The following AGBL1 variants were observed in gnomAD, a reference collection of about 807,000 sequenced individuals.
The protein encoded by AGBL1 is cytosolic carboxypeptidase 4.
In AGBL1, 130 loss-of-function variants were observed where a neutral mutation model predicts 118.9. The observed-to-expected ratio is 1.09, with a 90% confidence interval of 0.95 to 1.26. The LOEUF is 1.26. Among genes scored for constraint, AGBL1 ranks in the 50% most tolerant of loss-of-function variants. AGBL1 has a pLI of 0.00. For synonymous variants in AGBL1, 555 were observed against 478.9 expected, an observed-to-expected ratio of 1.16 and a Z score of -2.08; for missense variants, 1,584 against 1,298.1, an observed-to-expected ratio of 1.22 and a Z score of -3.38.
chr15:86,082,872 G>A (rs536327773), intron 1 of AGBL1, among the ~76,000 whole-genome samples: 5 of 152,214 alleles, frequency 3.3e-5, no homozygotes, highest in African/African-American at 9.6e-5. Context: ...CCACAGCACA[G>A]GTGCGAGAGG....
At chr15:86,161,580 A>G (rs2077267765) in intron 5 of AGBL1, among the ~76,000 whole-genome samples, 1 of 152,192 alleles carries the variant, frequency 6.6e-6, no homozygotes, top group Non-Finnish European at 1.5e-5. Context: ...TAAGACGATC[A>G]TATGCAGTTA....
intron 21 of AGBL1, among the ~76,000 whole-genome samples, chr15:86,626,135 G>C (rs140799080): frequency 6.6e-6 from 1 of 152,108 alleles, no homozygotes; most frequent in Non-Finnish European, 1.5e-5. Flanking sequence ...AATACCGTTC[G>C]ACCCAGCAAT....
At chr15:86,571,139 T>G (rs1467814862) in intron 21 of AGBL1, among the ~76,000 whole-genome samples, 1 of 151,954 alleles carries the variant, frequency 6.6e-6, no homozygotes, top group Non-Finnish European at 1.5e-5. Context: ...CACCCTGAAG[T>G]TTGGAGATGC....
Position 86,410,841 on chromosome 15 carries a change from T to TATATATATATATAA in AGBL1, c.2555+13296_2555+13297insTATATATATATAAA, listed in dbSNP as rs67883935. On this transcript the variant is annotated intron_variant, in intron 18 of 22. Transcript: ENST00000614907. Reference sequence around the variant, plus strand: ...ATATATATATATATATATATATATATAATATACTATTTTATATATAAAATA... The same window carrying TATATATATATATAA: ...ATATATATATATATATATATATATATATATATATATATAAAATATACTATTTTATATATAAAATA... 5.7e-4 allele frequency among the ~76,000 whole-genome samples: 37 copies of TATATATATATATAA among 64,532 alleles called. 2 individuals are homozygous for TATATATATATATAA. The highest frequency in any genetic ancestry group is 2.4e-3 in the African/African-American group (36 of 15,032). 42.3% of individuals were successfully genotyped at this position (64,532 alleles called of 152,430 possible).
chr15:86,559,452 A>G (rs538812205), intron 21 of AGBL1, among the ~76,000 whole-genome samples: 1 of 152,190 alleles, frequency 6.6e-6, no homozygotes, highest in African/African-American at 2.4e-5. Context: ...CATGATGAGG[A>G]AAATGAAAAG....
intron 21 of AGBL1, among the ~76,000 whole-genome samples, chr15:86,577,513 A>C (rs1372196313): frequency 1.3e-5 from 2 of 152,242 alleles, no homozygotes; most frequent in African/African-American, 4.8e-5. Flanking sequence ...CAGCTGAAGA[A>C]ATTTGCATAA....
intron 21 of AGBL1, among the ~76,000 whole-genome samples, chr15:86,587,752 G>A (rs1020557910): frequency 5.3e-5 from 8 of 152,170 alleles, no homozygotes; most frequent in African/African-American, 9.7e-5. Flanking sequence ...ACATGCAACC[G>A]CAGAAAGTGA....
At chr15:86,362,323 G>A (rs1387075479) in intron 17 of AGBL1, among the ~76,000 whole-genome samples, 2 of 152,056 alleles carry the variant, frequency 1.3e-5, no homozygotes, top group African/African-American at 4.8e-5. Context: ...GAGTTAAACT[G>A]GTTTATATTA....
At chr15:86,434,181 T>C (rs757074828) in intron 18 of AGBL1, among the ~76,000 whole-genome samples, 6 of 152,236 alleles carry the variant, frequency 3.9e-5, no homozygotes, top group Admixed American at 6.5e-5. Context: ...GTGCTAACCA[T>C]CTGGATTAAT....
At chr15:86,387,189 T>C (rs997619331) in intron 17 of AGBL1, among the ~76,000 whole-genome samples, 1 of 152,074 alleles carries the variant, frequency 6.6e-6, no homozygotes, top group East Asian at 1.9e-4. Flanking sequence ...GCCTGGGGCA[T>C]CAAGAAAAGC....
Position 86,910,933 on chromosome 15 carries a change from GTACT to G in AGBL1, c.*3645_*3648del, listed in dbSNP as rs1160901345. 2 of 152,106 alleles carry G rather than the reference GTACT, an allele frequency of 1.3e-5. No individual in the cohort carries two copies. Among genetic ancestry groups the G allele is most frequent in the South Asian group, 2.1e-4 (1 of 4,822 alleles). 9.4% of individuals were successfully genotyped at this position (152,106 alleles called of 1,614,324 possible). On this transcript the variant is annotated 3_prime_UTR_variant, in exon 23 of 23. Transcript: ENST00000614907. The stretch of plus-strand genomic sequence containing the variant: ...CCAGTCTTCCATCCAGAGTTAGAGG[GTACT>G]TACTTGAGAGTTAACTCTCAATAGT...
intron 24 of AGBL1, among the ~76,000 whole-genome samples, chr15:87,014,164 A>G (rs2081587715): frequency 6.6e-6 from 1 of 152,216 alleles, no homozygotes; most frequent in Admixed American, 6.5e-5. Context: ...AATGTTATTT[A>G]GAAAGTCTTA....
chr15:86,482,562 A>G (rs1028139590), intron 18 of AGBL1, among the ~76,000 whole-genome samples: 3 of 152,094 alleles, frequency 2.0e-5, no homozygotes, highest in Non-Finnish European at 2.9e-5. Context: ...AACAAACTGC[A>G]CTGAAACCCT....
chr15:86,415,216 T>C (rs1322171943), intron 18 of AGBL1, among the ~76,000 whole-genome samples: 6 of 152,126 alleles, frequency 3.9e-5, no homozygotes, highest in Admixed American at 3.9e-4. Context: ...AATATGAGCT[T>C]CCTGTAGGGA....
intron 17 of AGBL1, among the ~76,000 whole-genome samples, chr15:86,318,843 T>G (rs2080060906): frequency 6.6e-6 from 1 of 152,064 alleles, no homozygotes; most frequent in African/African-American, 2.4e-5. Context: ...TATATGGATC[T>G]GAATGAAGTG....
Position 86,992,184 on chromosome 15 carries a change from T to C in AGBL1, c.3323+4096T>C, listed in dbSNP as rs956486516. ...AGGGGATGTAGCACGTGCCACACTC[T>C]TTTAAACAACCAGATCTCATGTGCT... On this transcript the variant is annotated intron_variant, in intron 24 of 24. Coordinates refer to the AGBL1 transcript ENST00000441037. Among the ~76,000 whole-genome samples, 5 of 152,188 alleles carry C rather than the reference T, an allele frequency of 3.3e-5. No individual in the cohort carries two copies. The South Asian group carries it at 6.2e-4, about 19-fold the overall frequency.
chr15:87,026,042 A>AAATT (rs1201589639), intron 24 of AGBL1, among the ~76,000 whole-genome samples: 1 of 152,088 alleles, frequency 6.6e-6, no homozygotes, highest in Non-Finnish European at 1.5e-5. Flanking sequence ...TAAGACCTGA[A>AAATT]AATTAAAATT....
intron 22 of AGBL1, among the ~76,000 whole-genome samples, chr15:86,840,633 C>T (rs866825546): frequency 1.2e-4 from 18 of 151,934 alleles, no homozygotes; most frequent in Middle Eastern, 3.2e-3. Context: ...TTAGTACAGA[C>T]GGGGTTTCAC....
chr15:86,356,355 T>TGTGTGTGCGC lies in AGBL1; in HGVS notation c.2375-41010_2375-41009insTGTGTGCGCG, dbSNP rs151263305. 4.0e-5 allele frequency among the ~76,000 whole-genome samples: 6 copies of TGTGTGTGCGC among 150,906 alleles called. No homozygotes were observed. In the East Asian group the frequency reaches 7.8e-4, roughly 20 times the overall value. The stretch of plus-strand genomic sequence containing the variant: ...ATAGACGTGTGTGTGTGTGTGTGTG[T>TGTGTGTGCGC]GCGCGTGCGCCCGCACGCACGCGCA... On this transcript the variant is annotated intron_variant, in intron 17 of 22. Coordinates refer to ENST00000614907, the MANE Select transcript of AGBL1 (RefSeq NM_001386094.1).
Sources: gnomAD v4.1 joint callset for allele counts (sites outside exome capture counted in the v4.1 genomes callset) on GRCh38, gnomAD v4.1.1 for gene constraint, MANE v1.5 for transcripts, NCBI Gene and HGNC (gene_info 2026-07-23, HGNC 2026-07-21) for gene names.